Variants in CROCC2 observed in about 807,000 individuals in gnomAD.
CROCC2 encodes ciliary rootlet coiled-coil protein 2.
In CROCC2, 163 loss-of-function variants were observed where a neutral mutation model predicts 177.6. The ratio of observed to expected loss-of-function variants is 0.92; its 90% CI spans 0.81 to 1.05. The LOEUF (loss-of-function observed/expected upper bound fraction) is 1.05. Among genes scored for constraint, CROCC2 ranks in the 50% least tolerant of loss-of-function variants. CROCC2 has a pLI of 0.00. For missense variants in CROCC2, 1,929 were observed against 1,797.8 expected, an observed-to-expected ratio of 1.07 and a Z score of -1.32; for synonymous variants, 904 against 787.3, an observed-to-expected ratio of 1.15 and a Z score of -2.48.
rs2059570942 is a variant in CROCC2 at position 240,953,618 on chromosome 2, T to C, written c.2830-2241T>C. 6.6e-6 allele frequency among the ~76,000 whole-genome samples: 1 copy of C among 152,132 alleles called. No individual in the cohort carries two copies. The highest frequency in any genetic ancestry group is 2.4e-5 in the African/African-American group (1 of 41,430). On this transcript the variant is annotated intron_variant, in intron 18 of 31. Transcript: ENST00000690015. The surrounding 1 kb of genome is among the most constrained non-coding windows in gnomAD (Gnocchi z 4.0). ...CTCTGCTTGGCCAGCTGCCCTTTAT[T>C]CTTGGCGGCCTGTGTAGAGAAATTG...
chr2:240,960,928 A>C lies in CROCC2; in HGVS notation c.3087+1484A>C. On this transcript the variant is annotated intron_variant, in intron 20 of 31. Coordinates refer to ENST00000690015, the MANE Select transcript of CROCC2 (RefSeq NM_001351305.2). The surrounding 1 kb of genome is among the most constrained non-coding windows in gnomAD (Gnocchi z 5.0). ...AACTGGGGGCAGCAGGGGGAGGGGGAGGGGGAGGTGTGGAGAGGGTGGGGG... is the reference window on the plus strand; with the variant it reads ...AACTGGGGGCAGCAGGGGGAGGGGGCGGGGGAGGTGTGGAGAGGGTGGGGG... Among the ~76,000 whole-genome samples the C allele has an allele frequency of 1.8e-4, 1 of 5,504 alleles. No homozygotes were observed. Among genetic ancestry groups the C allele is most frequent in the African/African-American group, 7.2e-4 (1 of 1,390 alleles). 3.6% of individuals were successfully genotyped at this position (5,504 alleles called of 152,430 possible).
At position 240,917,316 on chromosome 2, in the gene CROCC2, G is replaced by A. The variant is rs1205739269; in HGVS notation, c.79-1410G>A. On this transcript the variant is annotated intron_variant, in intron 1 of 31. Coordinates refer to ENST00000690015, the MANE Select transcript of CROCC2 (RefSeq NM_001351305.2). This position sits in a 1 kb window ranked among gnomAD's most constrained non-coding sequence, Gnocchi z 4.9. ...CCCGGCGAGGGGGGCCGCGATCTTT[G>A]GGGTGCAGATGGAGGAGGAGGCCTG... is the stretch of plus-strand genomic sequence containing the variant. 6.6e-6 allele frequency among the ~76,000 whole-genome samples: 1 copy of A among 152,210 alleles called. No individual in the cohort carries two copies. Among genetic ancestry groups the A allele is most frequent in the Admixed American group, 6.5e-5 (1 of 15,290 alleles).
rs1167990437 is a variant in CROCC2 at position 240,972,284 on chromosome 2, C to CA, written c.4401+4023dup. ...CCAAGATCCTGCAGCCACAGGGAGCCATGGGGAATATGGGGAGCCAGCAGT... is the reference window on the plus strand; with the variant it reads ...CCAAGATCCTGCAGCCACAGGGAGCCAATGGGGAATATGGGGAGCCAGCAGT... On this transcript the variant is annotated intron_variant, in intron 27 of 31. Transcript: ENST00000690015. The surrounding 1 kb of genome is among the most constrained non-coding windows in gnomAD (Gnocchi z 7.1). Among the ~76,000 whole-genome samples, 2 of 152,144 alleles carry CA rather than the reference C, an allele frequency of 1.3e-5. No individual in the cohort carries two copies. Among genetic ancestry groups the CA allele is most frequent in the African/African-American group, 4.8e-5 (2 of 41,420 alleles).
intron 27 of CROCC2, among the ~76,000 whole-genome samples, chr2:240,971,124 C>T (rs987038283): frequency 8.5e-5 from 13 of 152,198 alleles, no homozygotes; most frequent in African/African-American, 3.1e-4. Flanking sequence ...GCACCTGCAC[C>T]CCACGCCCCC....
intron 20 of CROCC2, among the ~76,000 whole-genome samples, chr2:240,961,952 C>A (rs950465186): frequency 3.3e-5 from 5 of 151,292 alleles, no homozygotes; most frequent in Non-Finnish European, 7.4e-5. Context: ...TGCACACACA[C>A]GTATGCACAC....
Position 240,949,616 on chromosome 2 carries a change from GCAC to G in CROCC2, c.2567_2569del (p.Ala856_Gln857delinsGlu). 1 of 1,550,536 alleles carries G rather than the reference GCAC, an allele frequency of 6.4e-7. No homozygotes were observed. Among genetic ancestry groups the G allele is most frequent in the Non-Finnish European group, 8.7e-7 (1 of 1,146,960 alleles). On this transcript the variant is annotated inframe_deletion, in exon 17 of 32. Transcript: ENST00000690015. The surrounding 1 kb of genome is among the most constrained non-coding windows in gnomAD (Gnocchi z 4.5). Reference sequence around the variant, plus strand: ...CACGGTGCGGCTCCAGCGACAGGTGGCACAGCAGGAGCGGGAGGCACAGCGGGC... The same window carrying G: ...CACGGTGCGGCTCCAGCGACAGGTGGAGCAGGAGCGGGAGGCACAGCGGGC...
At chr2:240,926,273 C>T (rs950334913) in intron 5 of CROCC2, among the ~76,000 whole-genome samples, 2 of 152,240 alleles carry the variant, frequency 1.3e-5, no homozygotes, top group East Asian at 1.9e-4. Context: ...AGCACCTGGC[C>T]GTGGCCCCCC....
intron 21 of CROCC2, chr2:240,964,254 G>A (rs2059661585): frequency 1.1e-5 from 7 of 610,152 alleles, no homozygotes; most frequent in South Asian, 7.9e-5. Flanking sequence ...TGAAGAGGTG[G>A]ATAGTGGACA....
At chr2:240,910,599 C>G (rs1302843561) in intron 1 of CROCC2, among the ~76,000 whole-genome samples, 1 of 152,216 alleles carries the variant, frequency 6.6e-6, no homozygotes, top group Non-Finnish European at 1.5e-5. Context: ...GAACCCCAGT[C>G]CTGGGCACAG....
chr2:240,988,488 T>C (rs1397561898), intron 28 of CROCC2, among the ~76,000 whole-genome samples: 1 of 152,180 alleles, frequency 6.6e-6, no homozygotes, highest in African/African-American at 2.4e-5. Flanking sequence ...GATGGGGCCA[T>C]CTGCTGCTCT....
At chr2:240,961,847 GACAC>G (rs1207401132) in intron 20 of CROCC2, among the ~76,000 whole-genome samples, 1 of 49,342 alleles carries the variant, frequency 2.0e-5, no homozygotes, top group Non-Finnish European at 3.9e-5. Flanking sequence ...ATACACTCAT[GACAC>G]ACACGCACAC....
intron 1 of CROCC2, among the ~76,000 whole-genome samples, chr2:240,911,117 C>A (rs746858480): frequency 6.6e-6 from 1 of 151,830 alleles, no homozygotes; most frequent in Non-Finnish European, 1.5e-5. Context: ...GGAGACAGAG[C>A]GAGACCCTGT....
rs886611768 is a variant in CROCC2, at chr2:240,986,312, T to G, written c.4552-2427T>G. Among the ~76,000 whole-genome samples, 4 of 152,160 alleles carry G rather than the reference T, an allele frequency of 2.6e-5. No homozygotes were observed. In the South Asian group the frequency reaches 6.2e-4, roughly 24 times the overall value. ...CTGGACCGGATGCTTTTGGAGGGGC[T>G]GCCTCCAGCTCGGCATCCATGGGCC... On this transcript the variant is annotated intron_variant, in intron 28 of 31. Transcript: ENST00000690015.
At chr2:240,984,459 A>C (rs1367238611) in intron 28 of CROCC2, among the ~76,000 whole-genome samples, 2 of 151,886 alleles carry the variant, frequency 1.3e-5, no homozygotes, top group Non-Finnish European at 2.9e-5. Context: ...CCCACCGAGG[A>C]GGAGCCTGCT....
At chr2:240,934,283 C>T (rs553452742) in intron 11 of CROCC2, 48 bp from the exon 12 acceptor site, 2 of 1,534,250 alleles carry the variant, frequency 1.3e-6, no homozygotes, top group African/African-American at 1.4e-5. Flanking sequence ...CATGGGGCAG[C>T]CACTGCTCAC....
intron 18 of CROCC2, among the ~76,000 whole-genome samples, chr2:240,952,068 G>A (rs552716421): frequency 1.4e-4 from 21 of 152,190 alleles, no homozygotes; most frequent in African/African-American, 3.6e-4. Context: ...ATTACAGGCC[G>A]GGTGCTGTGG....
At chr2:240,975,753 G>C (rs910677502) in intron 27 of CROCC2, among the ~76,000 whole-genome samples, 7 of 111,372 alleles carry the variant, frequency 6.3e-5, no homozygotes, top group Non-Finnish European at 1.0e-4. Flanking sequence ...TTTTGAGACA[G>C]AGTTTTGCTC....
intron 5 of CROCC2, among the ~76,000 whole-genome samples, 157 bp downstream of exon 5, chr2:240,926,037 C>T (rs963043236): frequency 6.6e-5 from 10 of 152,248 alleles, no homozygotes; most frequent in Admixed American, 5.9e-4. Context: ...CCCAACCCGG[C>T]TTGGCCACAG....
At chr2:240,983,481 C>A (rs915721726) in intron 28 of CROCC2, 3 of 1,241,134 alleles carry the variant, frequency 2.4e-6, no homozygotes, top group African/African-American at 3.3e-5. Flanking sequence ...GAGGCGCAGG[C>A]GGAGAGGCGC....
Sources: allele counts gnomAD v4.1 joint callset (sites outside exome capture counted in the v4.1 genomes callset), GRCh38; gene constraint gnomAD v4.1.1; non-coding constraint Gnocchi (gnomAD v3.1); transcripts MANE v1.5; gene names NCBI Gene and HGNC (gene_info 2026-07-23, HGNC 2026-07-21).